Variants in RARB observed in about 807,000 individuals in gnomAD.
The protein encoded by RARB is retinoic acid receptor beta.
Under a neutral mutation model 51.9 loss-of-function variants are expected in RARB, and 17 were observed. The observed-to-expected ratio is 0.33, with a 90% confidence interval of 0.22 to 0.49. The LOEUF (loss-of-function observed/expected upper bound fraction) is 0.49. Ranked by LOEUF, RARB falls within the 20% of genes least tolerant of loss-of-function variation. The pLI is 0.99. For missense variants in RARB, 369 were observed against 550.8 expected (o/e 0.67, Z 3.30); for synonymous variants, 215 against 195.4 (o/e 1.10, Z -0.84).
At chr3:24,862,230 T>C (rs1702761254) in intron 2 of RARB, among the ~76,000 whole-genome samples, 1 of 152,214 alleles carries the variant, frequency 6.6e-6, no homozygotes, top group African/African-American at 2.4e-5. Flanking sequence ...TATAGATTCA[T>C]ACTCAAAGAA....
intron 5 of RARB, among the ~76,000 whole-genome samples, chr3:25,403,358 A>T (rs1707317279): frequency 6.6e-6 from 1 of 152,210 alleles, no homozygotes; most frequent in African/African-American, 2.4e-5. Context: ...CTGTATCAAA[A>T]CATCTCATGT....
At chr3:25,005,349 G>C (rs1455587675) in intron 2 of RARB, among the ~76,000 whole-genome samples, 4 of 152,130 alleles carry the variant, frequency 2.6e-5, no homozygotes, top group Admixed American at 2.6e-4. Context: ...AGCTGAGCTA[G>C]TGGCTCTGCC....
Position 25,417,623 on chromosome 3 carries a change from T to G in RARB, c.179-43570T>G, listed in dbSNP as rs140773246. Among the ~76,000 whole-genome samples the G allele has an allele frequency of 2.3e-4, 35 of 152,320 alleles. 1 individual carries two copies. Among genetic ancestry groups the G allele is most frequent in the African/African-American group, 7.5e-4 (31 of 41,578 alleles). On this transcript the variant is annotated intron_variant, in intron 5 of 11. Transcript: ENST00000383772. ...TGATTATGAGGCCTCCCCAGCCTCA[T>G]GGAACTGTGAGTCCGTTAAATCTCT...
At chr3:25,328,712 A>T (rs1309382767) in intron 5 of RARB, among the ~76,000 whole-genome samples, 1 of 152,192 alleles carries the variant, frequency 6.6e-6, no homozygotes, top group South Asian at 2.1e-4. Flanking sequence ...ACATGAGCCA[A>T]AGCAGGGCGG....
At chr3:25,105,421 G>GC (rs1699480073) in intron 3 of RARB, among the ~76,000 whole-genome samples, 1 of 104,814 alleles carries the variant, frequency 9.5e-6, no homozygotes, top group East Asian at 2.3e-4. Flanking sequence ...GTATACATGT[G>GC]CAAAAAAAAA....
chr3:25,319,551 G>A (rs1378723785), intron 5 of RARB, among the ~76,000 whole-genome samples: 1 of 152,124 alleles, frequency 6.6e-6, no homozygotes, highest in Non-Finnish European at 1.5e-5. Context: ...CAAAATTAAA[G>A]AGCTGTCAGG....
At chr3:25,406,863 A>G (rs1292968998) in intron 5 of RARB, among the ~76,000 whole-genome samples, 1 of 152,112 alleles carries the variant, frequency 6.6e-6, no homozygotes, top group Non-Finnish European at 1.5e-5. Context: ...AGGGTGAAAA[A>G]AATTGAGCTC....
At chr3:25,344,894 G>A (rs758613905) in intron 5 of RARB, among the ~76,000 whole-genome samples, 4 of 152,146 alleles carry the variant, frequency 2.6e-5, no homozygotes, top group Non-Finnish European at 5.9e-5. Context: ...AGTTTTTAGG[G>A]CTTAAGCTTA....
At chr3:25,373,969 T>G (rs79460177) in intron 5 of RARB, among the ~76,000 whole-genome samples, 2,984 of 152,248 alleles carry the variant, frequency 0.02, 89 homozygotes, top group African/African-American at 0.064. Context: ...TCATGTATTA[T>G]AAAAAGCAAA....
At chr3:25,247,671 A>G (rs1482983198) in intron 5 of RARB, among the ~76,000 whole-genome samples, 4 of 152,160 alleles carry the variant, frequency 2.6e-5, no homozygotes, top group African/African-American at 4.8e-5. Context: ...ACCAATCCCA[A>G]TGACATGAAC....
rs375341473 is a variant in RARB at position 25,217,916 on chromosome 3, G to T, written c.178+43341G>T. Among the ~76,000 whole-genome samples, 39 of 152,176 alleles carry T rather than the reference G, an allele frequency of 2.6e-4. No homozygotes were observed. In the South Asian group the frequency reaches 7.3e-3, roughly 28 times the overall value. ...GAAATGGAAGCGCTTTAAGAATGGG[G>T]TCATCCATTAGGCAACATGTTCAAA... On this transcript the variant is annotated intron_variant, in intron 5 of 11. Transcript: ENST00000383772.
At chr3:24,991,454 G>GAA (rs1559425161) in intron 2 of RARB, among the ~76,000 whole-genome samples, 11 of 120,818 alleles carry the variant, frequency 9.1e-5, no homozygotes, top group African/African-American at 3.7e-4. Context: ...AAAAAAAAAA[G>GAA]AAAAAGAAAA....
At chr3:25,018,747 C>T (rs1697567417) in intron 2 of RARB, among the ~76,000 whole-genome samples, 1 of 152,206 alleles carries the variant, frequency 6.6e-6, no homozygotes, top group African/African-American at 2.4e-5. Flanking sequence ...CTATCCTTCT[C>T]AGGCTTAAGT....
At chr3:25,195,347 T>C (rs1309137826) in intron 5 of RARB, among the ~76,000 whole-genome samples, 2 of 152,040 alleles carry the variant, frequency 1.3e-5, no homozygotes, top group Non-Finnish European at 2.9e-5. Flanking sequence ...AAGTTTCGTA[T>C]AGTTATTCAT....
intron 3 of RARB, among the ~76,000 whole-genome samples, chr3:25,539,615 T>C (rs866565146): frequency 2.5e-4 from 38 of 150,664 alleles, no homozygotes; most frequent in Admixed American, 9.3e-4. Flanking sequence ...ATTTCTTTTT[T>C]CCCCCCCACA....
At chr3:25,082,909 T>A (rs1005958691) in intron 3 of RARB, among the ~76,000 whole-genome samples, 1 of 152,134 alleles carries the variant, frequency 6.6e-6, no homozygotes, top group Non-Finnish European at 1.5e-5. Flanking sequence ...ATATCACCTT[T>A]ATTTTTCAAG....
At chr3:25,233,618 G>C (rs576121324) in intron 5 of RARB, among the ~76,000 whole-genome samples, 5 of 152,046 alleles carry the variant, frequency 3.3e-5, no homozygotes, top group Non-Finnish European at 5.9e-5. Flanking sequence ...TCCTGTTCCT[G>C]ATATCAGAAA....
At chr3:25,525,192 T>C (rs1259113836) in intron 3 of RARB, among the ~76,000 whole-genome samples, 2 of 152,106 alleles carry the variant, frequency 1.3e-5, no homozygotes, top group African/African-American at 4.8e-5. Context: ...GAGGGGAAAA[T>C]AGAACACTCA....
At position 25,134,958 on chromosome 3, in the gene RARB, C is replaced by T. The variant is rs7636344; in HGVS notation, c.-280+2750C>T. Among the ~76,000 whole-genome samples, 26 of 151,824 alleles carry T rather than the reference C, an allele frequency of 1.7e-4. No homozygotes were observed. The South Asian group carries it at 2.5e-3, about 15-fold the overall frequency. On this transcript the variant is annotated intron_variant, in intron 4 of 11. Coordinates refer to the RARB transcript ENST00000383772. ...AAGTTACTAATATATGAAGATTAAA[C>T]GCTACTTATGATGCCACTGTTTAAA...
Sources: allele counts gnomAD v4.1 joint callset (sites outside exome capture counted in the v4.1 genomes callset), GRCh38; gene constraint gnomAD v4.1.1; transcripts MANE v1.5; gene names NCBI Gene and HGNC (gene_info 2026-07-23, HGNC 2026-07-21).